Variants in OPRL1 observed in about 807,000 individuals in gnomAD.
OPRL1 encodes the protein opioid related nociceptin receptor 1.
In OPRL1, 5 loss-of-function variants were observed where a neutral mutation model predicts 15.5. That is an observed-to-expected ratio of 0.32 (90% CI 0.17 to 0.68). The LOEUF is 0.68. OPRL1 is among the 30% of genes least tolerant of loss of function. OPRL1 has a pLI of 0.72. For synonymous variants in OPRL1, 223 were observed against 230.2 expected (o/e 0.97, Z 0.28); for missense variants, 406 against 515.3 (o/e 0.79, Z 2.05).
At chr20:64,095,752 C>A (rs936478950) in intron 3 of OPRL1, among the ~76,000 whole-genome samples, 2 of 151,900 alleles carry the variant, frequency 1.3e-5, no homozygotes, top group African/African-American at 4.8e-5. Context: ...CTCCTTACAA[C>A]CTCAAAGGGC....
At chr20:64,084,793 C>G (rs1376780048) in intron 1 of OPRL1, among the ~76,000 whole-genome samples, 1 of 152,196 alleles carries the variant, frequency 6.6e-6, no homozygotes, top group Non-Finnish European at 1.5e-5. Flanking sequence ...CTTGTCCAGC[C>G]AGGGCTGGGC....
Position 64,083,701 on chromosome 20 carries a change from T to C in OPRL1, c.-185+3349T>C, listed in dbSNP as rs2059998905. 4.3e-6 allele frequency: 6 copies of C among 1,390,798 alleles called. No individual in the cohort carries two copies. Among genetic ancestry groups the C allele is most frequent in the African/African-American group, 3.0e-5 (2 of 65,606 alleles). The allele number at this position is 1,390,798 out of a possible 1,614,324, so 86.2% of individuals were successfully genotyped here. ...CCGCTGGATGAGCAGCGCGATCTCCTCGGCCTGCGGGGCCCGGGTAGCTGA... is the reference window on the plus strand; with the variant it reads ...CCGCTGGATGAGCAGCGCGATCTCCCCGGCCTGCGGGGCCCGGGTAGCTGA... On this transcript the variant is annotated intron_variant, in intron 1 of 4. Coordinates refer to ENST00000336866, the MANE Select transcript of OPRL1 (RefSeq NM_182647.4). The surrounding 1 kb of genome is among the most constrained non-coding windows in gnomAD (Gnocchi z 4.9).
rs924346048 is a variant in OPRL1, at chr20:64,097,624, C to T, written c.234-178C>T. Among the ~76,000 whole-genome samples, 16 of 150,794 alleles carry T rather than the reference C, an allele frequency of 1.1e-4. No individual in the cohort carries two copies. Among genetic ancestry groups the T allele is most frequent in the African/African-American group, 3.4e-4 (14 of 41,312 alleles). On this transcript the variant is annotated intron_variant, in intron 3 of 4. Transcript: ENST00000336866. This position sits in a 1 kb window ranked among gnomAD's most constrained non-coding sequence, Gnocchi z 4.2. ...CCCAGGCCCTACCCCCTGAGACTGA[C>T]TCATGAGTCTCAGGTTGGGTCCAGG...
At chr20:64,093,341 A>C (rs1296112745) in intron 3 of OPRL1, among the ~76,000 whole-genome samples, 1 of 148,928 alleles carries the variant, frequency 6.7e-6, no homozygotes, top group Non-Finnish European at 1.5e-5. Context: ...CAGGGGCTGG[A>C]GCTCGGACCG....
rs891076399 is a variant in OPRL1, at chr20:64,090,655, G to C, written c.-184-1311G>C. 1.3e-5 allele frequency among the ~76,000 whole-genome samples: 2 copies of C among 152,312 alleles called. No individual in the cohort carries two copies. The highest frequency in any genetic ancestry group is 4.1e-4 in the South Asian group (2 of 4,830). Reference sequence around the variant, plus strand: ...TCAGTGGATCAGGCATGGGACCCCCGTGCTGAGAAGGAGGCAACTCTGAAG... The same window carrying C: ...TCAGTGGATCAGGCATGGGACCCCCCTGCTGAGAAGGAGGCAACTCTGAAG... On this transcript the variant is annotated intron_variant, in intron 1 of 4. Coordinates refer to ENST00000336866, the MANE Select transcript of OPRL1 (RefSeq NM_182647.4). This position sits in a 1 kb window ranked among gnomAD's most constrained non-coding sequence, Gnocchi z 4.9.
intron 1 of OPRL1, among the ~76,000 whole-genome samples, chr20:64,084,575 A>C (rs2060021617): frequency 6.6e-6 from 1 of 152,146 alleles, no homozygotes. Context: ...TGCCACATGG[A>C]GAGCTCTAGG....
At chr20:64,088,553 T>G (rs927173990) in intron 1 of OPRL1, among the ~76,000 whole-genome samples, 19 of 130,514 alleles carry the variant, frequency 1.5e-4, no homozygotes, top group African/African-American at 4.9e-4. Context: ...TGCCAGGTTT[T>G]GGGGGCACTA....
chr20:64,098,940 T>G lies in OPRL1; in HGVS notation c.*141T>G. ...AGAGCCTGGGATGGGCTTTTCCCTG[T>G]GGGCCAGGGATGCTCGGTCCCAGAG... On this transcript the variant is annotated 3_prime_UTR_variant, in exon 5 of 5. Coordinates refer to ENST00000336866, the MANE Select transcript of OPRL1 (RefSeq NM_182647.4). 8.4e-7 allele frequency: 1 copy of G among 1,195,412 alleles called. No individual in the cohort carries two copies. The allele number at this position is 1,195,412 out of a possible 1,614,324, so 74.1% of individuals were successfully genotyped here.
rs149935083 is a variant in OPRL1 at position 64,097,871 on chromosome 20, G to A, written c.303G>A (p.Leu101=). ...TGGCCCTGGCCGACACTCTGGTCCT[G>A]CTGACGCTGCCCTTCCAGGGCACGG... ...FNLALADTLV[L]LTLPFQGTDI... The change falls in exon 4 of 5, where the codon CTG becomes CTA. Residue 101 remains leucine, a synonymous_variant. Coordinates refer to ENST00000336866, the MANE Select transcript of OPRL1 (RefSeq NM_182647.4). This position sits in a 1 kb window ranked among gnomAD's most constrained non-coding sequence, Gnocchi z 4.2. The A allele has an allele frequency of 1.4e-5, 23 of 1,613,502 alleles. No homozygotes were observed. In the African/African-American group the frequency reaches 2.1e-4, roughly 15 times the overall value.
intron 1 of OPRL1, among the ~76,000 whole-genome samples, chr20:64,088,732 AAGGGGTAGGATCTGTGC>A (rs1569271900): frequency 0.1 from 1,280 of 12,390 alleles, 139 homozygotes; most frequent in Admixed American, 0.12. Flanking sequence ...GGATCTGTGC[AAGGGGTAGGATCTGTGC>A]AGAGTGGCCA....
chr20:64,089,458 C>T lies in OPRL1; in HGVS notation c.-184-2508C>T, dbSNP rs1415660641. On this transcript the variant is annotated intron_variant, in intron 1 of 4. Coordinates refer to ENST00000336866, the MANE Select transcript of OPRL1 (RefSeq NM_182647.4). This position sits in a 1 kb window ranked among gnomAD's most constrained non-coding sequence, Gnocchi z 5.5. ...TCAGGGAGCTAGGTCTGACCTCGTC[C>T]CCCCTCCTTTCTTCCTGTCCTCCTA... Among the ~76,000 whole-genome samples the T allele has an allele frequency of 2.0e-5, 3 of 151,890 alleles. No homozygotes were observed. The highest frequency in any genetic ancestry group is 4.4e-5 in the Non-Finnish European group (3 of 67,952).
At position 64,083,093 on chromosome 20, in the gene OPRL1, G is replaced by A. The variant is rs2059986297; in HGVS notation, c.-185+2741G>A. 6.6e-6 allele frequency among the ~76,000 whole-genome samples: 1 copy of A among 152,196 alleles called. No individual in the cohort carries two copies. ...CCTGAGGCTACCCTTACATCTGGGG[G>A]TGACTTCTGCTGAAACAGGCTCTTT... On this transcript the variant is annotated intron_variant, in intron 1 of 4. Coordinates refer to ENST00000336866, the MANE Select transcript of OPRL1 (RefSeq NM_182647.4). This position sits in a 1 kb window ranked among gnomAD's most constrained non-coding sequence, Gnocchi z 4.9.
At position 64,097,991 on chromosome 20, in the gene OPRL1, A is replaced by G; in HGVS notation, c.423A>G (p.Leu141=). The change falls in exon 4 of 5, where the codon CTA becomes CTG. Residue 141 remains leucine, a synonymous_variant. Coordinates refer to ENST00000336866, the MANE Select transcript of OPRL1 (RefSeq NM_182647.4). The surrounding 1 kb of genome is among the most constrained non-coding windows in gnomAD (Gnocchi z 4.2). ...YYNMFTSTFT[L]TAMSVDRYVA... ...ACATGTTCACCAGCACCTTCACCCT[A>G]ACTGCCATGAGTGTGGATCGCTATG... is the stretch of plus-strand genomic sequence containing the variant. 6.2e-7 allele frequency: 1 copy of G among 1,613,616 alleles called. No individual in the cohort carries two copies. Among genetic ancestry groups the G allele is most frequent in the Non-Finnish European group, 8.5e-7 (1 of 1,179,990 alleles).
chr20:64,091,872 G>C (rs1452969062), intron 1 of OPRL1, 94 bp from the exon 2 acceptor site: 1 of 152,464 alleles, frequency 6.6e-6, no homozygotes, highest in African/African-American at 2.4e-5. Context: ...CGCAGCCCTG[G>C]GTGCGGTGAC....
rs2060080590 is a variant in OPRL1, at chr20:64,088,636, TGGCCAGGATCTGTGCAGGGA to T, written c.-184-3312_-184-3293del. On this transcript the variant is annotated intron_variant, in intron 1 of 4. Coordinates refer to ENST00000336866, the MANE Select transcript of OPRL1 (RefSeq NM_182647.4). ...CAGAGTGGCCAGGATCTGTGCAGAG[TGGCCAGGATCTGTGCAGGGA>T]GGCCAGGATCTGTGCAGAGTGGCCA... 2.7e-4 allele frequency among the ~76,000 whole-genome samples: 40 copies of T among 147,474 alleles called. 1 individual carries two copies. Among genetic ancestry groups the T allele is most frequent in the African/African-American group, 7.8e-4 (31 of 39,684 alleles).
rs1045721118 is a variant in OPRL1 at position 64,092,053 on chromosome 20, G to C, written c.-97G>C. The C allele has an allele frequency of 2.6e-5, 4 of 153,280 alleles. No individual in the cohort carries two copies. The highest frequency in any genetic ancestry group is 2.0e-4 in the South Asian group (1 of 4,886). 9.5% of individuals were successfully genotyped at this position (153,280 alleles called of 1,614,324 possible). On this transcript the variant is annotated 5_prime_UTR_variant, in exon 2 of 5. Transcript: ENST00000336866. ...TCTACCCTGCTCTGCACCTGTGCTC[G>C]ACTGCCAGCCGGCTGAGGGCGGGGG...
chr20:64,082,313 C>T (rs1327940534), intron 1 of OPRL1, among the ~76,000 whole-genome samples: 1 of 152,214 alleles, frequency 6.6e-6, no homozygotes, highest in Non-Finnish European at 1.5e-5. Context: ...TCCTTGTCAG[C>T]TGACTTCTGA....
rs779277717 is a variant in OPRL1 at position 64,092,883 on chromosome 20, G to T, written c.163G>T (p.Val55Leu). 1.6e-5 allele frequency: 25 copies of T among 1,612,636 alleles called. No individual in the cohort carries two copies. Among genetic ancestry groups the T allele is most frequent in the Non-Finnish European group, 2.1e-5 (25 of 1,179,934 alleles). The change falls in exon 3 of 5, where the codon GTG (valine) becomes TTG (leucine). Residue 55 changes from valine to leucine, a missense_variant. Coordinates refer to ENST00000336866, the MANE Select transcript of OPRL1 (RefSeq NM_182647.4). The stretch of plus-strand genomic sequence containing the variant: ...GCCCCTCGGGCTCAAGGTCACCATC[G>T]TGGGGCTCTACCTGGCCGTGTGTGT... ...FLPLGLKVTI[V>L]GLYLAVCVGG...
rs1332326267 is a variant in OPRL1 at position 64,097,494 on chromosome 20, T to TG, written c.234-306dup. On this transcript the variant is annotated intron_variant, in intron 3 of 4. Transcript: ENST00000336866. This position sits in a 1 kb window ranked among gnomAD's most constrained non-coding sequence, Gnocchi z 4.2. ...CCTGTGCAGAATCCGGGGTGTGTTC[T>TG]GGTAGCCTACATGCCCTGACTCCTC... Among the ~76,000 whole-genome samples the TG allele has an allele frequency of 3.9e-5, 6 of 152,234 alleles. No homozygotes were observed. The highest frequency in any genetic ancestry group is 1.4e-4 in the African/African-American group (6 of 41,454).
Sources: gnomAD v4.1 joint callset for allele counts (sites outside exome capture counted in the v4.1 genomes callset) on GRCh38, gnomAD v4.1.1 for gene constraint, Gnocchi (gnomAD v3.1) non-coding constraint, MANE v1.5 for transcripts, NCBI Gene and HGNC (gene_info 2026-07-23, HGNC 2026-07-21) for gene names.